The following HRH1 variants were observed in gnomAD, a reference collection of about 807,000 sequenced individuals.
HRH1 encodes the protein histamine receptor H1.
Under a neutral mutation model 10.3 loss-of-function variants are expected in HRH1, and 6 were observed. The ratio of observed to expected loss-of-function variants is 0.58; its 90% CI spans 0.32 to 1.15. HRH1 has a LOEUF of 1.15. HRH1 is among the 50% of genes most tolerant of loss of function. HRH1 has a pLI of 0.05. For synonymous variants in HRH1, 242 were observed against 236.7 expected (o/e 1.02, Z -0.21); for missense variants, 514 against 615.3 (o/e 0.84, Z 1.74).
rs544045104 is a variant in HRH1 at position 11,238,607 on chromosome 3, C to T, written c.-35-20396C>T. ...TAAGTGAATCATACAATTCAGTTAT[C>T]GTTAGTAAATGTACAGAGTTGTATA... On this transcript the variant is annotated intron_variant, in intron 1 of 1. Transcript: ENST00000431010. Among the ~76,000 whole-genome samples, 29 of 152,282 alleles carry T rather than the reference C, an allele frequency of 1.9e-4. No homozygotes were observed. The South Asian group carries it at 4.4e-3, about 23-fold the overall frequency.
intron 1 of HRH1, among the ~76,000 whole-genome samples, chr3:11,241,339 T>G (rs969673067): frequency 6.6e-6 from 1 of 152,260 alleles, no homozygotes; most frequent in Non-Finnish European, 1.5e-5. Context: ...GCTGGTGCTC[T>G]GTAATGATTA....
chr3:11,192,864 G>C (rs1486350202), intron 1 of HRH1, among the ~76,000 whole-genome samples: 2 of 152,070 alleles, frequency 1.3e-5, no homozygotes, highest in East Asian at 1.9e-4. Flanking sequence ...ATCCATCAGA[G>C]CTGGGCCTTG....
chr3:11,194,398 G>A (rs376089651), intron 1 of HRH1, among the ~76,000 whole-genome samples: 1 of 152,300 alleles, frequency 6.6e-6, no homozygotes. Context: ...ATTAAACAGT[G>A]GTGTCACCTC....
chr3:11,212,947 C>T (rs964529752), intron 1 of HRH1, among the ~76,000 whole-genome samples: 3 of 152,208 alleles, frequency 2.0e-5, no homozygotes, highest in Non-Finnish European at 2.9e-5. Context: ...AGGGCCTTTG[C>T]ATAGGCTGTT....
At chr3:11,257,142 A>C (rs1401657744) in intron 1 of HRH1, among the ~76,000 whole-genome samples, 1 of 150,122 alleles carries the variant, frequency 6.7e-6, no homozygotes, top group Non-Finnish European at 1.5e-5. Flanking sequence ...AATTGTAGCT[A>C]CTCGGGAGGC....
intron 1 of HRH1, among the ~76,000 whole-genome samples, chr3:11,245,913 ACT>A (rs776054104): frequency 9.2e-5 from 14 of 151,692 alleles, no homozygotes; most frequent in Non-Finnish European, 8.8e-5. Flanking sequence ...TCACACACAC[ACT>A]CTTAGACACT....
chr3:11,208,723 A>G (rs2125032643), intron 1 of HRH1, among the ~76,000 whole-genome samples: 1 of 152,338 alleles, frequency 6.6e-6, no homozygotes, highest in African/African-American at 2.4e-5. Flanking sequence ...AGAAAGCCAC[A>G]TGATTATTAA....
At chr3:11,227,021 GA>G (rs1938905805) in intron 1 of HRH1, among the ~76,000 whole-genome samples, 1 of 152,194 alleles carries the variant, frequency 6.6e-6, no homozygotes, top group Non-Finnish European at 1.5e-5. Context: ...TTGAGTAGGG[GA>G]ACTGGATTTG....
chr3:11,178,996 A>G (rs1303414525), intron 1 of HRH1, among the ~76,000 whole-genome samples: 2 of 152,236 alleles, frequency 1.3e-5, no homozygotes, highest in Non-Finnish European at 2.9e-5. Flanking sequence ...TTTTCAGAAG[A>G]AAGTCAGCCG....
chr3:11,161,752 T>C (rs1215033342), intron 1 of HRH1, among the ~76,000 whole-genome samples: 3 of 152,178 alleles, frequency 2.0e-5, no homozygotes, highest in African/African-American at 4.8e-5. Context: ...GCTCAATAAA[T>C]ATTTTTCAGT....
intron 1 of HRH1, among the ~76,000 whole-genome samples, chr3:11,155,638 A>C (rs1309848631): frequency 6.6e-6 from 1 of 152,194 alleles, no homozygotes; most frequent in African/African-American, 2.4e-5. Flanking sequence ...AAGACGAGGC[A>C]GGCTGGGAGT....
chr3:11,154,471 C>A (rs1936730938), upstream of HRH1: 1 of 32,864 alleles, frequency 3.0e-5, no homozygotes, highest in South Asian at 1.0e-3. The surrounding 1 kb of genome is among the most constrained non-coding windows in gnomAD (Gnocchi z 4.4). Context: ...AGCTCCCCGG[C>A]GCCCCCGCCG....
At chr3:11,241,942 CG>C (rs1241984834) in intron 1 of HRH1, among the ~76,000 whole-genome samples, 1 of 151,978 alleles carries the variant, frequency 6.6e-6, no homozygotes, top group East Asian at 1.9e-4. Context: ...TACCAGTGGG[CG>C]CTCTCTAAAA....
chr3:11,154,443 G>T, upstream of HRH1: 1 of 6,564 alleles, frequency 1.5e-4, no homozygotes, highest in South Asian at 3.7e-3. This position sits in a 1 kb window ranked among gnomAD's most constrained non-coding sequence, Gnocchi z 4.4. Flanking sequence ...CTCCTCCTCC[G>T]GCGCCCCGCT....
chr3:11,157,884 A>C (rs1936846358), intron 1 of HRH1, among the ~76,000 whole-genome samples: 2 of 152,242 alleles, frequency 1.3e-5, no homozygotes, highest in South Asian at 4.1e-4. Context: ...TCCAACAGAC[A>C]TGAGTTTGAA....
chr3:11,247,382 G>A (rs766310507), intron 1 of HRH1, among the ~76,000 whole-genome samples: 1 of 152,162 alleles, frequency 6.6e-6, no homozygotes, highest in Non-Finnish European at 1.5e-5. Flanking sequence ...AGAGCACACT[G>A]AGCAGGGTAG....
At chr3:11,193,003 T>C (rs1358641634) in intron 1 of HRH1, among the ~76,000 whole-genome samples, 1 of 152,254 alleles carries the variant, frequency 6.6e-6, no homozygotes, top group Non-Finnish European at 1.5e-5. Flanking sequence ...TTTATCATGT[T>C]TTAGGAGACC....
chr3:11,228,002 C>A (rs1938940227), intron 1 of HRH1, among the ~76,000 whole-genome samples: 3 of 152,148 alleles, frequency 2.0e-5, no homozygotes, highest in African/African-American at 4.8e-5. Flanking sequence ...TAGCATAATA[C>A]CTGGTACCAC....
At chr3:11,222,482 C>T (rs1938738922) in intron 1 of HRH1, among the ~76,000 whole-genome samples, 1 of 152,180 alleles carries the variant, frequency 6.6e-6, no homozygotes, top group African/African-American at 2.4e-5. Flanking sequence ...ATTTATTCCA[C>T]TTCCTCCAGC....
Sources: allele counts gnomAD v4.1 joint callset (sites outside exome capture counted in the v4.1 genomes callset), GRCh38; gene constraint gnomAD v4.1.1; non-coding constraint Gnocchi (gnomAD v3.1); transcripts MANE v1.5; gene names NCBI Gene and HGNC (gene_info 2026-07-23, HGNC 2026-07-21).